EEF1E1: variants seen among roughly 807,000 people sequenced by gnomAD.
The protein encoded by EEF1E1 is eukaryotic translation elongation factor 1 epsilon 1, also known as eukaryotic translation elongation factor 1 epsilon-1.
In EEF1E1, 19 loss-of-function variants were observed where a neutral mutation model predicts 19.9. That is an observed-to-expected ratio of 0.95 (90% CI 0.66 to 1.40). EEF1E1 has a LOEUF of 1.40. Among genes scored for constraint, EEF1E1 ranks in the 40% most tolerant of loss-of-function variants. The probability of loss-of-function intolerance (pLI) is 0.00; values close to 1 mark genes in which losing one functional copy is unlikely to be tolerated. For synonymous variants in EEF1E1, 81 were observed against 80.0 expected (o/e 1.01, Z -0.07); for missense variants, 198 against 202.2 (o/e 0.98, Z 0.13).
chr6:8,092,155 C>T (rs1424194616), intron 2 of EEF1E1, among the ~76,000 whole-genome samples: 9 of 152,126 alleles, frequency 5.9e-5, no homozygotes, highest in Admixed American at 5.2e-4. Context: ...CCCAAAGACC[C>T]CACCTCCTAA....
intron 1 of EEF1E1, among the ~76,000 whole-genome samples, chr6:8,099,738 G>C: frequency 7.9e-6 from 1 of 126,960 alleles, no homozygotes; most frequent in South Asian, 2.6e-4. Flanking sequence ...CAAGAGTGAA[G>C]CTCCGCCTCA....
At chr6:8,092,720 T>C (rs1217874765) in intron 2 of EEF1E1, among the ~76,000 whole-genome samples, 1 of 152,160 alleles carries the variant, frequency 6.6e-6, no homozygotes, top group Non-Finnish European at 1.5e-5. Context: ...GTACAAGAAA[T>C]AAAATATCTT....
At chr6:8,091,203 G>A (rs1372402190) in intron 2 of EEF1E1, among the ~76,000 whole-genome samples, 1 of 152,158 alleles carries the variant, frequency 6.6e-6, no homozygotes, top group Non-Finnish European at 1.5e-5. Context: ...GTTGCTCTGT[G>A]GGATTTTTTT....
chr6:8,077,393 C>G (rs1039494450), downstream of EEF1E1, among the ~76,000 whole-genome samples: 1 of 152,190 alleles, frequency 6.6e-6, no homozygotes, highest in Non-Finnish European at 1.5e-5. Flanking sequence ...TGACTTCTCT[C>G]GAGCCATGGA....
chr6:8,076,953 T>G (rs6909962), downstream of EEF1E1, among the ~76,000 whole-genome samples: 35,816 of 145,934 alleles, frequency 0.25, 4,613 homozygotes, highest in South Asian at 0.28. Context: ...TTTTGTTTTT[T>G]TTTTTTTGAG....
rs777861335 is a variant in EEF1E1 at position 8,080,054 on chromosome 6, A to G, written c.385-24T>C. 5 of 1,610,962 alleles carry G rather than the reference A, an allele frequency of 3.1e-6. No homozygotes were observed. In the South Asian group the frequency reaches 3.3e-5, roughly 11 times the overall value. ...ACCTAAGTAGAGATTAAAAACATAC[A>G]CACACAACACAGATGTTACATAAGC... On this transcript the variant is annotated intron_variant, in intron 3 of 3. Transcript: ENST00000379715.
chr6:8,101,243 AATATATATATAT>A (rs1216617377), intron 1 of EEF1E1, among the ~76,000 whole-genome samples: 598 of 58,088 alleles, frequency 0.01, 34 homozygotes, highest in Middle Eastern at 0.018. Flanking sequence ...AAAAAAAAAA[AATATATATATAT>A]ATATATATAT....
At chr6:8,078,537 G>T, downstream of EEF1E1, 1 of 630,952 alleles carries the variant, frequency 1.6e-6, no homozygotes, top group Non-Finnish European at 2.1e-6. Flanking sequence ...AGCACAAGCC[G>T]ACGGAAAAAT....
At chr6:8,093,296 A>G (rs1758071447) in intron 2 of EEF1E1, among the ~76,000 whole-genome samples, 2 of 150,658 alleles carry the variant, frequency 1.3e-5, no homozygotes, top group African/African-American at 4.9e-5. Flanking sequence ...TTCACAGATG[A>G]GAACTAATTA....
chr6:8,098,531 A>G (rs986687379), intron 1 of EEF1E1, among the ~76,000 whole-genome samples: 1 of 152,266 alleles, frequency 6.6e-6, no homozygotes, highest in Non-Finnish European at 1.5e-5. Flanking sequence ...CAGGATACAG[A>G]TTCAAAGTAA....
intron 3 of EEF1E1, chr6:8,073,593 TTATC>T: frequency 2.7e-6 from 4 of 1,501,562 alleles, no homozygotes; most frequent in Non-Finnish European, 3.6e-6. Context: ...TCAATAAATG[TTATC>T]TATTATTGTT....
intron 3 of EEF1E1, among the ~76,000 whole-genome samples, chr6:8,082,774 A>G (rs904505287): frequency 2.0e-5 from 3 of 152,202 alleles, no homozygotes; most frequent in Non-Finnish European, 4.4e-5. Context: ...TGTCCCTTTG[A>G]GTCTGAGATA....
At chr6:8,077,919 G>A (rs914261554), downstream of EEF1E1, among the ~76,000 whole-genome samples, 1 of 152,124 alleles carries the variant, frequency 6.6e-6, no homozygotes, top group Non-Finnish European at 1.5e-5. Context: ...AGCCTCCCAA[G>A]TAGCTGGGAC....
rs2113674480 is a variant in EEF1E1, at chr6:8,102,396, C to G, written c.87+39G>C. The G allele has an allele frequency of 6.3e-6, 10 of 1,590,792 alleles. No individual in the cohort carries two copies. In the South Asian group the frequency reaches 8.9e-5, roughly 14 times the overall value. On this transcript the variant is annotated intron_variant, in intron 1 of 3. Coordinates refer to ENST00000379715, the MANE Select transcript of EEF1E1 (RefSeq NM_004280.5). ...GCCAGGGCTCGGCAGGCCCCGCTCC[C>G]GTCCACCTCTTCCCCTCCGCGCCGC...
chr6:8,095,298 C>T lies in EEF1E1; in HGVS notation c.288+1969G>A, dbSNP rs143943248. The T allele has an allele frequency of 8.1e-4, 254 of 314,748 alleles. 2 individuals are homozygous for T. The highest frequency in any genetic ancestry group is 5.0e-3 in the African/African-American group (223 of 44,192). The allele number at this position is 314,748 out of a possible 1,614,324, so 19.5% of individuals were successfully genotyped here. A position where few individuals can be genotyped will look rare whatever the true frequency, so the allele number is the denominator to read the frequency against. ...GGCGGATCATTTGAGGTCAGGAGTT[C>T]GAGACCAGCCTGGCCAACATGATGA... is the stretch of plus-strand genomic sequence containing the variant. On this transcript the variant is annotated intron_variant, in intron 2 of 3. Transcript: ENST00000379715.
intron 2 of EEF1E1, among the ~76,000 whole-genome samples, chr6:8,091,070 G>GT (rs1758000290): frequency 6.6e-6 from 1 of 152,176 alleles, no homozygotes; most frequent in Admixed American, 6.5e-5. Context: ...GGACCATATG[G>GT]TAATTCCATT....
intron 1 of EEF1E1, among the ~76,000 whole-genome samples, chr6:8,101,243 A>AAAAAAAATATATAT (rs1271033598): frequency 1.2e-4 from 7 of 58,476 alleles, no homozygotes; most frequent in South Asian, 7.4e-4. Context: ...AAAAAAAAAA[A>AAAAAAAATATATAT]ATATATATAT....
At chr6:8,077,194 T>C (rs186990360), downstream of EEF1E1, among the ~76,000 whole-genome samples, 923 of 151,910 alleles carry the variant, frequency 6.1e-3, 7 homozygotes, top group Middle Eastern at 0.044. Context: ...CCGCCCGCCT[T>C]GGCCTCCCAA....
chr6:8,095,793 A>C (rs866016138), intron 2 of EEF1E1, among the ~76,000 whole-genome samples: 1 of 152,212 alleles, frequency 6.6e-6, no homozygotes, highest in African/African-American at 2.4e-5. Context: ...CTGTCTTAAA[A>C]TAGCAAAACA....
Sources: allele counts gnomAD v4.1 joint callset (sites outside exome capture counted in the v4.1 genomes callset), GRCh38; gene constraint gnomAD v4.1.1; transcripts MANE v1.5; gene names NCBI Gene and HGNC (gene_info 2026-07-23, HGNC 2026-07-21).